MASP1: variants seen among roughly 807,000 people sequenced by gnomAD.
MASP1 encodes mannan-binding lectin serine protease 1.
MASP1 carries 59 observed loss-of-function variants against 77.1 expected under a neutral mutation model. The observed-to-expected ratio is 0.77, with a 90% CI of 0.62 to 0.95. The LOEUF (loss-of-function observed/expected upper bound fraction) is 0.95, where lower values mean the gene tolerates loss of function less well. Among genes scored for constraint, MASP1 ranks in the 40% least tolerant of loss-of-function variants. The probability of loss-of-function intolerance (pLI) is 0.00; values close to 1 mark genes in which losing one functional copy is unlikely to be tolerated. For synonymous variants in MASP1, 362 were observed against 354.5 expected (o/e 1.02, Z -0.24); for missense variants, 885 against 912.9 (o/e 0.97, Z 0.39).
At chr3:187,231,396 G>C (rs937926806), downstream of MASP1, among the ~76,000 whole-genome samples, 2 of 152,080 alleles carry the variant, frequency 1.3e-5, no homozygotes, top group Non-Finnish European at 2.9e-5. Context: ...CCCTTCTATA[G>C]TAAAGCTTCT....
chr3:187,272,398 G>A (rs920895418), intron 2 of MASP1, among the ~76,000 whole-genome samples: 15 of 152,144 alleles, frequency 9.9e-5, no homozygotes, highest in African/African-American at 3.6e-4. Flanking sequence ...TAAACTCTCT[G>A]TACTGTAGGG....
chr3:187,228,548 T>C (rs938603588), intron 11 of MASP1, among the ~76,000 whole-genome samples: 2 of 152,106 alleles, frequency 1.3e-5, no homozygotes, highest in African/African-American at 4.8e-5. Flanking sequence ...TGTTGTATTG[T>C]TCCCTTTCAT....
chr3:187,231,622 T>C (rs1472711075), downstream of MASP1, among the ~76,000 whole-genome samples: 1 of 152,258 alleles, frequency 6.6e-6, no homozygotes, highest in Non-Finnish European at 1.5e-5. Flanking sequence ...ATTTTTTGAA[T>C]CTTATCAGAT....
At chr3:187,279,116 T>C (rs143911018) in intron 2 of MASP1, among the ~76,000 whole-genome samples, 271 of 152,356 alleles carry the variant, frequency 1.8e-3, no homozygotes, top group African/African-American at 6.3e-3. Flanking sequence ...GCGTGTTAAA[T>C]ACAGAGGGAT....
At chr3:187,279,934 A>T (rs62292761) in intron 2 of MASP1, among the ~76,000 whole-genome samples, 38,015 of 152,116 alleles carry the variant, frequency 0.25, 5,643 homozygotes, top group Non-Finnish European at 0.34. Context: ...TTCCTTGAGG[A>T]CTTTATAGTT....
At chr3:187,259,692 G>A (rs1418310029) in intron 4 of MASP1, among the ~76,000 whole-genome samples, 2 of 152,062 alleles carry the variant, frequency 1.3e-5, no homozygotes, top group African/African-American at 4.8e-5. Context: ...AATCCTGCAC[G>A]TGCCTGTTCT....
rs796697665 is a variant in MASP1 at position 187,226,316 on chromosome 3, T to G, written c.1555+91A>C. On this transcript the variant is annotated intron_variant, in intron 12 of 15. Transcript: ENST00000337774. ...CTGCCCTGACAAATGAGTGAGCGAG[T>G]GAGTGAGCAGACACGCCTTGGAAAG... 6.6e-5 allele frequency: 62 copies of G among 936,712 alleles called. No individual in the cohort carries two copies. The South Asian group carries it at 8.4e-4, about 13-fold the overall frequency. The allele number at this position is 936,712 out of a possible 1,614,324, so 58.0% of individuals were successfully genotyped here.
At chr3:187,278,645 T>A (rs974135353) in intron 2 of MASP1, among the ~76,000 whole-genome samples, 8 of 152,204 alleles carry the variant, frequency 5.3e-5, no homozygotes, top group African/African-American at 1.9e-4. Context: ...TGATCTCAAT[T>A]TCTGGGTAAG....
chr3:187,232,238 CT>C (rs1024633115), downstream of MASP1, among the ~76,000 whole-genome samples: 11 of 147,332 alleles, frequency 7.5e-5, no homozygotes, highest in Admixed American at 2.7e-4. Context: ...CCCCCCCCCC[CT>C]TTTTTTTTCC....
chr3:187,268,218 A>T (rs990996538), intron 2 of MASP1, among the ~76,000 whole-genome samples: 9 of 152,204 alleles, frequency 5.9e-5, no homozygotes, highest in African/African-American at 2.2e-4. Context: ...GTGATGCCTC[A>T]TACCTGTAAT....
chr3:187,245,277 A>G (rs1189843007), intron 8 of MASP1, among the ~76,000 whole-genome samples: 9 of 152,104 alleles, frequency 5.9e-5, no homozygotes, highest in Admixed American at 4.6e-4. Context: ...AGAAAATGCC[A>G]TTGACTTGGT....
At chr3:187,229,853 A>C (rs1560232914), downstream of MASP1, 1 of 1,614,110 alleles carries the variant, frequency 6.2e-7, no homozygotes, top group East Asian at 2.2e-5. Flanking sequence ...CGTCCATTGA[A>C]GATCCTGGCC....
chr3:187,247,362 C>T (rs773974562), intron 8 of MASP1: 14 of 1,613,804 alleles, frequency 8.7e-6, no homozygotes, highest in African/African-American at 8.0e-5. Context: ...GACTTGAGTT[C>T]GCTCTCCAGA....
chr3:187,281,965 T>C (rs1314988210), intron 2 of MASP1, among the ~76,000 whole-genome samples: 2 of 152,114 alleles, frequency 1.3e-5, no homozygotes, highest in Non-Finnish European at 2.9e-5. Context: ...AAAAAGTCAG[T>C]GGGTTTCAAC....
intron 2 of MASP1, among the ~76,000 whole-genome samples, chr3:187,273,428 G>C (rs971036014): frequency 1.3e-5 from 2 of 152,192 alleles, no homozygotes; most frequent in Non-Finnish European, 2.9e-5. Context: ...ATCTCTAAAG[G>C]CTTCTGTCCA....
chr3:187,290,898 A>T (rs1166866271), intron 1 of MASP1, among the ~76,000 whole-genome samples: 1 of 152,058 alleles, frequency 6.6e-6, no homozygotes, highest in East Asian at 1.9e-4. Flanking sequence ...AAGGAGTGTC[A>T]AGTATAATGA....
chr3:187,225,359 A>G, exon 13 of MASP1: 1 of 1,613,752 alleles, frequency 6.2e-7, no homozygotes, highest in South Asian at 1.1e-5. Flanking sequence ...ACAGATGGGC[A>G]TCACGAAGGC....
intron 15 of MASP1, chr3:187,221,016 TG>T (rs746400064): frequency 1.9e-6 from 3 of 1,606,104 alleles, no homozygotes; most frequent in Non-Finnish European, 2.6e-6. Context: ...CCCTGTTGTA[TG>T]CCAGCCTCTT....
chr3:187,233,976 T>C, downstream of MASP1: 1 of 693,382 alleles, frequency 1.4e-6, no homozygotes, highest in Non-Finnish European at 2.0e-6. Flanking sequence ...GTACTTTTTC[T>C]GCAACAAGGG....
Sources: allele counts gnomAD v4.1 joint callset (sites outside exome capture counted in the v4.1 genomes callset), GRCh38; gene constraint gnomAD v4.1.1; transcripts MANE v1.5; gene names NCBI Gene and HGNC (gene_info 2026-07-23, HGNC 2026-07-21).